The following WWOX variants were observed in gnomAD, a reference collection of about 807,000 sequenced individuals.
The protein encoded by WWOX is WW domain-containing oxidoreductase.
In WWOX, 69 loss-of-function variants were observed where a neutral mutation model predicts 46.2. The ratio of observed to expected loss-of-function variants is 1.49; its 90% CI spans 1.23 to 1.82. The LOEUF is 1.82. Ranked by LOEUF, WWOX falls within the 40% of genes most tolerant of loss-of-function variation. The probability of loss-of-function intolerance (pLI) is 0.00; values close to 1 mark genes in which losing one functional copy is unlikely to be tolerated. For synonymous variants in WWOX, 359 were observed against 202.6 expected, an observed-to-expected ratio of 1.77 and a Z score of -6.56; for missense variants, 919 against 542.6, an observed-to-expected ratio of 1.69 and a Z score of -6.89.
intron 8 of WWOX, among the ~76,000 whole-genome samples, chr16:78,963,890 C>A (rs150044720): frequency 1.3e-3 from 203 of 152,220 alleles, no homozygotes; most frequent in African/African-American, 4.7e-3. Flanking sequence ...ATCATGGGGG[C>A]TGGTGTTTCC....
chr16:78,102,932 C>T (rs1316270886), intron 1 of WWOX, among the ~76,000 whole-genome samples: 2 of 152,150 alleles, frequency 1.3e-5, no homozygotes, highest in South Asian at 2.1e-4. Context: ...GCACATGACC[C>T]GCTTCCGGCT....
intron 8 of WWOX, among the ~76,000 whole-genome samples, chr16:78,831,776 C>A (rs758555922): frequency 1.4e-4 from 22 of 152,174 alleles, no homozygotes; most frequent in Non-Finnish European, 2.5e-4. Flanking sequence ...TAACTATGAC[C>A]TCCAGAAGCT....
chr16:78,875,691 G>C (rs1320334157), intron 8 of WWOX, among the ~76,000 whole-genome samples: 1 of 152,078 alleles, frequency 6.6e-6, no homozygotes, highest in Non-Finnish European at 1.5e-5. Context: ...ACAAGACTTG[G>C]TTTTTCTAAG....
At chr16:78,993,595 A>C (rs2151351331) in intron 8 of WWOX, among the ~76,000 whole-genome samples, 1 of 152,326 alleles carries the variant, frequency 6.6e-6, no homozygotes, top group African/African-American at 2.4e-5. Context: ...GGATGGGGAC[A>C]GGACCTTGCG....
intron 4 of WWOX, among the ~76,000 whole-genome samples, chr16:78,144,450 C>CATATATATAT (rs1555543045): frequency 2.8e-4 from 7 of 24,934 alleles, no homozygotes; most frequent in African/African-American, 6.0e-4. Context: ...TATATATACA[C>CATATATATAT]ATATATATAT....
intron 5 of WWOX, among the ~76,000 whole-genome samples, chr16:78,378,889 A>T (rs950122947): frequency 6.6e-6 from 1 of 152,230 alleles, no homozygotes; most frequent in Admixed American, 6.5e-5. Flanking sequence ...AAATAAGAAT[A>T]TATAGATGAT....
At chr16:79,048,653 A>G (rs1382922595) in intron 8 of WWOX, among the ~76,000 whole-genome samples, 2 of 152,190 alleles carry the variant, frequency 1.3e-5, no homozygotes, top group African/African-American at 2.4e-5. Flanking sequence ...ACTCTAAAGC[A>G]TCAATTGCTT....
rs1260195831 is a variant in WWOX at position 78,319,070 on chromosome 16, G to T, written c.517-67790G>T. Among the ~76,000 whole-genome samples, 10 of 152,256 alleles carry T rather than the reference G, an allele frequency of 6.6e-5. No homozygotes were observed. The East Asian group carries it at 1.9e-3, about 29-fold the overall frequency. ...TTATCTGGTTGGGCACAGTGTAATT[G>T]CCAGGATTCCTAAAAGGGGGAGAGA... On this transcript the variant is annotated intron_variant, in intron 5 of 8. Transcript: ENST00000566780.
In WWOX at chr16:78,518,654, G is replaced by T. The variant is rs886715702; in HGVS notation, c.1056+85902G>T. Among the ~76,000 whole-genome samples, 5 of 152,138 alleles carry T rather than the reference G, an allele frequency of 3.3e-5. No homozygotes were observed. The South Asian group carries it at 1.0e-3, about 32-fold the overall frequency. The stretch of plus-strand genomic sequence containing the variant: ...GGGCATCTAGATTTCATTTATTTAA[G>T]AACTTTTTATTGAATGCCGATTGTT... On this transcript the variant is annotated intron_variant, in intron 8 of 8. Coordinates refer to ENST00000566780, the MANE Select transcript of WWOX (RefSeq NM_016373.4).
chr16:78,718,097 A>ATTT (rs2048610694), intron 8 of WWOX, among the ~76,000 whole-genome samples: 2 of 68,262 alleles, frequency 2.9e-5, no homozygotes, highest in African/African-American at 1.4e-4. Flanking sequence ...TGGTGGTTGT[A>ATTT]TTTTTGCCTC....
intron 8 of WWOX, among the ~76,000 whole-genome samples, chr16:78,574,592 C>T (rs948345686): frequency 6.6e-6 from 1 of 152,082 alleles, no homozygotes; most frequent in Non-Finnish European, 1.5e-5. Flanking sequence ...GGCAAGATTT[C>T]ATCCTTTTTA....
Position 78,842,344 on chromosome 16 carries a change from A to G in WWOX, c.1057-369264A>G, listed in dbSNP as rs532055547. ...CCCCATCTCTAAAAAAAAAAAAAAA[A>G]AAAATTAAATTAGCTGGGCTTGGTG... On this transcript the variant is annotated intron_variant, in intron 8 of 8. Coordinates refer to ENST00000566780, the MANE Select transcript of WWOX (RefSeq NM_016373.4). Among the ~76,000 whole-genome samples, 155 of 151,994 alleles carry G rather than the reference A, an allele frequency of 1.0e-3. 1 individual carries two copies. In the East Asian group the frequency reaches 0.013, roughly 12 times the overall value.
Position 78,908,369 on chromosome 16 carries a change from A to C in WWOX, c.1057-303239A>C, listed in dbSNP as rs190827147. On this transcript the variant is annotated intron_variant, in intron 8 of 8. Coordinates refer to ENST00000566780, the MANE Select transcript of WWOX (RefSeq NM_016373.4). ...ATCCTGGCCAAGGTGGTGAAACCCCATCCCTACTAAAGATACTAATATTAG... is the reference window on the plus strand; with the variant it reads ...ATCCTGGCCAAGGTGGTGAAACCCCCTCCCTACTAAAGATACTAATATTAG... 1.5e-3 allele frequency among the ~76,000 whole-genome samples: 235 copies of C among 152,150 alleles called. 1 individual carries two copies. The highest frequency in any genetic ancestry group is 5.3e-3 in the African/African-American group (222 of 41,526).
At chr16:79,192,695 T>G (rs1366909485) in intron 8 of WWOX, among the ~76,000 whole-genome samples, 1 of 152,212 alleles carries the variant, frequency 6.6e-6, no homozygotes, top group Admixed American at 6.5e-5. Flanking sequence ...CTCTCACTTT[T>G]TATTTCCTTT....
At chr16:79,125,277 G>C (rs2049727312) in intron 8 of WWOX, among the ~76,000 whole-genome samples, 1 of 152,106 alleles carries the variant, frequency 6.6e-6, no homozygotes, top group Admixed American at 6.6e-5. Context: ...TTGTATTTTA[G>C]AATCTTCCAA....
chr16:78,502,435 T>C (rs1056460521), intron 8 of WWOX, among the ~76,000 whole-genome samples: 4 of 152,346 alleles, frequency 2.6e-5, no homozygotes, highest in East Asian at 1.9e-4. Flanking sequence ...TAGAGTGATA[T>C]GTTAGTCGTC....
At chr16:79,023,660 C>T (rs564378298) in intron 8 of WWOX, among the ~76,000 whole-genome samples, 35 of 152,228 alleles carry the variant, frequency 2.3e-4, no homozygotes, top group African/African-American at 7.7e-4. Flanking sequence ...TGGCTTACAC[C>T]TGTAATCCCA....
At chr16:79,058,020 C>G (rs2048294297) in intron 8 of WWOX, among the ~76,000 whole-genome samples, 1 of 151,654 alleles carries the variant, frequency 6.6e-6, no homozygotes, top group Non-Finnish European at 1.5e-5. Context: ...GATTGCGAAT[C>G]TCACTGCATA....
chr16:78,316,685 T>A (rs180878359), intron 5 of WWOX, among the ~76,000 whole-genome samples: 1 of 152,312 alleles, frequency 6.6e-6, no homozygotes, highest in East Asian at 1.9e-4. Context: ...TGTTAACTTC[T>A]GTATTGTCTT....
Sources: allele counts gnomAD v4.1 joint callset (sites outside exome capture counted in the v4.1 genomes callset), GRCh38; gene constraint gnomAD v4.1.1; transcripts MANE v1.5; gene names NCBI Gene and HGNC (gene_info 2026-07-23, HGNC 2026-07-21).